Variants in CBFA2T3 observed in about 807,000 individuals in gnomAD.
The protein encoded by CBFA2T3 is CBFA2/RUNX1 partner transcriptional co-repressor 3.
Under a neutral mutation model 58.6 loss-of-function variants are expected in CBFA2T3, and 31 were observed. That is an observed-to-expected ratio of 0.53 (90% CI 0.40 to 0.71). CBFA2T3 has a LOEUF of 0.71. Ranked by LOEUF, CBFA2T3 falls within the 30% of genes least tolerant of loss-of-function variation. The pLI, the probability that CBFA2T3 is intolerant of heterozygous loss-of-function variation, is 0.00. For synonymous variants in CBFA2T3, 531 were observed against 421.9 expected, an observed-to-expected ratio of 1.26 and a Z score of -3.17; for missense variants, 1,076 against 963.1, an observed-to-expected ratio of 1.12 and a Z score of -1.55.
intron 3 of CBFA2T3, among the ~76,000 whole-genome samples, chr16:88,895,097 C>A (rs558680364): frequency 6.6e-6 from 1 of 152,312 alleles, no homozygotes; most frequent in Admixed American, 6.5e-5. Context: ...GCCGGCCCCC[C>A]TTTCTGGGCT....
intron 1 of CBFA2T3, among the ~76,000 whole-genome samples, chr16:88,921,469 C>A (rs1185019770): frequency 1.3e-5 from 2 of 152,190 alleles, no homozygotes; most frequent in East Asian, 3.9e-4. Context: ...GCCGGGATTT[C>A]CCGATCCAGG....
intron 1 of CBFA2T3, among the ~76,000 whole-genome samples, chr16:88,930,364 A>G (rs989934167): frequency 6.6e-6 from 1 of 151,076 alleles, no homozygotes; most frequent in African/African-American, 2.5e-5. Context: ...AAAGCTACCC[A>G]TGCCCACAGC....
In CBFA2T3 at chr16:88,881,363, TGTCCTCGGC is replaced by T. The variant is rs1567574031; in HGVS notation, c.1321_1329del (p.Ala441_Asp443del). On this transcript the variant is annotated inframe_deletion, in exon 9 of 12. Transcript: ENST00000268679. ...GCGGCGGGAGCGGGGCCCTTCTTTGTGTCCTCGGCGTCGCTGTAGCGCCGCGCCCAGTGG... is the reference window on the plus strand; with the variant it reads ...GCGGCGGGAGCGGGGCCCTTCTTTGTGTCGCTGTAGCGCCGCGCCCAGTGG... 4 of 1,586,362 alleles carry T rather than the reference TGTCCTCGGC, an allele frequency of 2.5e-6. No individual in the cohort carries two copies. The highest frequency in any genetic ancestry group is 3.5e-5 in the Admixed American group (2 of 56,928).
At chr16:88,884,207 A>T (rs1377406242) in intron 7 of CBFA2T3, 1 of 152,072 alleles carries the variant, frequency 6.6e-6, no homozygotes, top group Non-Finnish European at 1.5e-5. Context: ...GGGCCCTGGA[A>T]CCCTCCGCAA....
chr16:88,923,922 C>A (rs1041349205), intron 1 of CBFA2T3, among the ~76,000 whole-genome samples: 5 of 152,218 alleles, frequency 3.3e-5, no homozygotes, highest in Non-Finnish European at 7.3e-5. Context: ...GACTTTGGAG[C>A]ATAGATCACC....
chr16:88,901,794 A>G lies in CBFA2T3; in HGVS notation c.152-138T>C, dbSNP rs960598932. The G allele has an allele frequency of 1.5e-4, 107 of 717,432 alleles. 1 individual carries two copies. In the Middle Eastern group the frequency reaches 5.6e-3, roughly 38 times the overall value. The allele number at this position is 717,432 out of a possible 1,614,324, so 44.4% of individuals were successfully genotyped here. A position where few individuals can be genotyped will look rare whatever the true frequency, so the allele number is the denominator to read the frequency against. The stretch of plus-strand genomic sequence containing the variant: ...GGCAGTCTGCCCCAGGTGTCCTGAC[A>G]GGTGGCTGACGTCCCACGTGCAGGA... On this transcript the variant is annotated intron_variant, in intron 1 of 11. Transcript: ENST00000268679.
intron 7 of CBFA2T3, 89 bp downstream of exon 7, chr16:88,884,957 G>A (rs994690990): frequency 4.1e-6 from 4 of 971,362 alleles, no homozygotes; most frequent in East Asian, 2.8e-5. Flanking sequence ...TGCCCGTGGT[G>A]CCCTGTGCCC....
chr16:88,896,622 A>ACTTG (rs759541692), intron 3 of CBFA2T3, among the ~76,000 whole-genome samples: 2 of 152,274 alleles, frequency 1.3e-5, no homozygotes, highest in South Asian at 4.1e-4. Context: ...GAGGATAGCC[A>ACTTG]CTTGCGGTCA....
intron 1 of CBFA2T3, among the ~76,000 whole-genome samples, chr16:88,922,764 C>T (rs568436930): frequency 2.4e-4 from 36 of 152,360 alleles, no homozygotes; most frequent in Non-Finnish European, 2.8e-4. Flanking sequence ...ACCTCGGAGA[C>T]GGTGACACCA....
Position 88,885,345 on chromosome 16 carries a change from G to A in CBFA2T3, c.894-76C>T. On this transcript the variant is annotated intron_variant, in intron 6 of 11. Transcript: ENST00000268679. This position sits in a 1 kb window ranked among gnomAD's most constrained non-coding sequence, Gnocchi z 5.3. ...GGACAGAGGTGCAGGTGGGGTGAGA[G>A]GCAGACAGGCAAGGGCAGAGAGAAA... is the stretch of plus-strand genomic sequence containing the variant. The A allele has an allele frequency of 5.0e-6, 5 of 997,830 alleles. No individual in the cohort carries two copies. In the South Asian group the frequency reaches 7.0e-5, roughly 14 times the overall value. The allele number at this position is 997,830 out of a possible 1,614,324, so 61.8% of individuals were successfully genotyped here.
intron 1 of CBFA2T3, among the ~76,000 whole-genome samples, chr16:88,968,957 C>T (rs887504041): frequency 1.3e-5 from 2 of 152,158 alleles, no homozygotes; most frequent in African/African-American, 2.4e-5. Flanking sequence ...TCACACAAAT[C>T]GGGGGCCAGG....
chr16:88,918,452 G>A (rs539760877), intron 1 of CBFA2T3, among the ~76,000 whole-genome samples: 118 of 152,354 alleles, frequency 7.7e-4, no homozygotes, highest in African/African-American at 2.0e-3. Context: ...GCCCACAGCC[G>A]TGGGGAGGCC....
chr16:88,885,372 A>T lies in CBFA2T3; in HGVS notation c.894-103T>A. The T allele has an allele frequency of 1.4e-6, 1 of 729,982 alleles. No individual in the cohort carries two copies. The highest frequency in any genetic ancestry group is 2.1e-6 in the Non-Finnish European group (1 of 477,318). The allele number at this position is 729,982 out of a possible 1,614,324, so 45.2% of individuals were successfully genotyped here. On this transcript the variant is annotated intron_variant, in intron 6 of 11. Transcript: ENST00000268679. This position sits in a 1 kb window ranked among gnomAD's most constrained non-coding sequence, Gnocchi z 5.3. The stretch of plus-strand genomic sequence containing the variant: ...CAGACAGGCAAGGGCAGAGAGAAAG[A>T]GGACACGTAAGGGCGAGACAGAAAC...
chr16:88,920,884 G>T (rs1451453280), intron 1 of CBFA2T3, among the ~76,000 whole-genome samples: 1 of 152,256 alleles, frequency 6.6e-6, no homozygotes, highest in Non-Finnish European at 1.5e-5. Context: ...CTCGCCAGGG[G>T]GCTACATTAA....
intron 1 of CBFA2T3, among the ~76,000 whole-genome samples, chr16:88,919,472 T>C (rs1255374336): frequency 6.6e-6 from 1 of 152,210 alleles, no homozygotes; most frequent in East Asian, 1.9e-4. Flanking sequence ...TATTTCTAAA[T>C]AAACATTCCT....
chr16:88,967,392 G>A lies in CBFA2T3; in HGVS notation c.151+9265C>T, dbSNP rs375605055. 3.1e-4 allele frequency among the ~76,000 whole-genome samples: 47 copies of A among 152,186 alleles called. No individual in the cohort carries two copies. The South Asian group carries it at 9.8e-3, about 32-fold the overall frequency. On this transcript the variant is annotated intron_variant, in intron 1 of 11. Coordinates refer to ENST00000268679, the MANE Select transcript of CBFA2T3 (RefSeq NM_005187.6). The stretch of plus-strand genomic sequence containing the variant: ...GCGACGGGGACGGGGCAGGATGCCT[G>A]GGGACGGCTTTCCACACCCTAAGTG...
At chr16:88,975,179 CAT>C (rs879708522) in intron 1 of CBFA2T3, among the ~76,000 whole-genome samples, 15,490 of 68,488 alleles carry the variant, frequency 0.23, 1,085 homozygotes, top group East Asian at 0.35. Flanking sequence ...CTCTGCTCCA[CAT>C]CTTTAGCCAT....
At chr16:88,946,916 T>C (rs920732161) in intron 1 of CBFA2T3, among the ~76,000 whole-genome samples, 9 of 152,102 alleles carry the variant, frequency 5.9e-5, no homozygotes, top group African/African-American at 2.2e-4. Flanking sequence ...CCCCAGCTAA[T>C]TGTATTTATT....
At chr16:88,907,148 G>A (rs1411448517) in intron 1 of CBFA2T3, among the ~76,000 whole-genome samples, 8 of 152,192 alleles carry the variant, frequency 5.3e-5, no homozygotes, top group Admixed American at 6.5e-5. Context: ...AGGGGACCCC[G>A]GTCCCCGAGG....
Sources: allele counts gnomAD v4.1 joint callset (sites outside exome capture counted in the v4.1 genomes callset), GRCh38; gene constraint gnomAD v4.1.1; non-coding constraint Gnocchi (gnomAD v3.1); transcripts MANE v1.5; gene names NCBI Gene and HGNC (gene_info 2026-07-23, HGNC 2026-07-21).